RMDN2: variants seen among roughly 807,000 people sequenced by gnomAD.
RMDN2 encodes the protein regulator of microtubule dynamics protein 2.
RMDN2 carries 61 observed loss-of-function variants against 52.8 expected under a neutral mutation model. The ratio of observed to expected loss-of-function variants is 1.16; its 90% CI spans 0.94 to 1.43. The LOEUF (loss-of-function observed/expected upper bound fraction) is 1.43, where lower values mean the gene tolerates loss of function less well. Among genes scored for constraint, RMDN2 ranks in the 40% most tolerant of loss-of-function variants. The pLI is 0.00. For synonymous variants in RMDN2, 180 were observed against 153.1 expected (o/e 1.18, Z -1.30); for missense variants, 592 against 475.3 (o/e 1.25, Z -2.28).
chr2:38,016,639 C>T (rs550612778), intron 10 of RMDN2, among the ~76,000 whole-genome samples: 7 of 152,294 alleles, frequency 4.6e-5, no homozygotes, highest in Middle Eastern at 3.4e-3. Flanking sequence ...CCTTCAACCT[C>T]AGCCCTAACC....
At chr2:37,946,849 A>G (rs1366895124) in intron 2 of RMDN2, among the ~76,000 whole-genome samples, 2 of 152,180 alleles carry the variant, frequency 1.3e-5, no homozygotes, top group Non-Finnish European at 2.9e-5. Flanking sequence ...AGTATAGAGA[A>G]GAAAGCAAAT....
downstream of RMDN2, among the ~76,000 whole-genome samples, chr2:38,020,611 C>T (rs1679278970): frequency 6.6e-6 from 1 of 152,206 alleles, no homozygotes; most frequent in Non-Finnish European, 1.5e-5. Context: ...TGGGAGCGGC[C>T]AGCCGGCCCT....
intron 10 of RMDN2, among the ~76,000 whole-genome samples, chr2:38,005,021 C>T (rs528247637): frequency 2.0e-5 from 3 of 152,238 alleles, no homozygotes; most frequent in South Asian, 4.1e-4. Flanking sequence ...CTACAAAGGA[C>T]ATGAACTCAT....
chr2:38,055,470 A>C (rs1466248698), intron 10 of RMDN2, among the ~76,000 whole-genome samples: 1 of 152,180 alleles, frequency 6.6e-6, no homozygotes, highest in African/African-American at 2.4e-5. Context: ...TGTCCTATAA[A>C]GTAGGAAATT....
At chr2:38,034,113 A>C (rs1002451308) in intron 10 of RMDN2, among the ~76,000 whole-genome samples, 1 of 152,260 alleles carries the variant, frequency 6.6e-6, no homozygotes, top group African/African-American at 2.4e-5. Context: ...CTCGACAGGA[A>C]GTCACCACTG....
intron 2 of RMDN2, among the ~76,000 whole-genome samples, chr2:37,937,673 T>A (rs117348915): frequency 6.6e-6 from 1 of 152,098 alleles, no homozygotes; most frequent in African/African-American, 2.4e-5. Flanking sequence ...TGAATGGGAG[T>A]TTGCTCATGA....
At chr2:38,014,374 TTTC>T (rs373616025) in intron 10 of RMDN2, among the ~76,000 whole-genome samples, 97 of 152,366 alleles carry the variant, frequency 6.4e-4, no homozygotes, top group African/African-American at 2.3e-3. Flanking sequence ...AAATGTATTA[TTTC>T]TTAAGATTTT....
At chr2:38,024,611 A>G (rs1235825282) in intron 10 of RMDN2, among the ~76,000 whole-genome samples, 1 of 152,138 alleles carries the variant, frequency 6.6e-6, no homozygotes, top group Admixed American at 6.5e-5. Context: ...TATTTTGCCC[A>G]TTATTTAAAT....
rs113220363 is a variant in RMDN2 at position 37,947,474 on chromosome 2, C to T, written c.452+17745C>T. 6.0e-3 allele frequency among the ~76,000 whole-genome samples: 910 copies of T among 152,186 alleles called. 11 individuals carry two copies. The highest frequency in any genetic ancestry group is 0.02 in the African/African-American group (849 of 41,520). ...TAAAAAAGCCATACTTTTTCTGCCTCGCAAGTCACATGCAGACAGCTGTGT... is the reference window on the plus strand; with the variant it reads ...TAAAAAAGCCATACTTTTTCTGCCTTGCAAGTCACATGCAGACAGCTGTGT... On this transcript the variant is annotated intron_variant, in intron 2 of 10. Transcript: ENST00000354545.
At chr2:38,048,359 T>C (rs1681397068) in intron 10 of RMDN2, among the ~76,000 whole-genome samples, 1 of 152,232 alleles carries the variant, frequency 6.6e-6, no homozygotes. Flanking sequence ...CTGAAGTGGC[T>C]ATTTCTTGGG....
chr2:38,034,609 T>C (rs1247150111), intron 10 of RMDN2, among the ~76,000 whole-genome samples: 2 of 152,120 alleles, frequency 1.3e-5, no homozygotes, highest in East Asian at 3.9e-4. Context: ...AACAATGATA[T>C]TTTAATTTTA....
intron 10 of RMDN2, chr2:38,012,663 A>G (rs940921375): frequency 2.2e-6 from 1 of 448,876 alleles, no homozygotes; most frequent in East Asian, 7.1e-5. Flanking sequence ...TGTAAGGTAT[A>G]TTTCCATTTC....
At chr2:37,922,644 A>G (rs985381453), upstream of RMDN2, among the ~76,000 whole-genome samples, 1 of 152,188 alleles carries the variant, frequency 6.6e-6, no homozygotes, top group Non-Finnish European at 1.5e-5. Flanking sequence ...GTAATTATAT[A>G]GTGTACACCA....
intron 7 of RMDN2, among the ~76,000 whole-genome samples, chr2:37,995,533 G>A (rs1036738986): frequency 3.3e-5 from 5 of 152,176 alleles, no homozygotes; most frequent in African/African-American, 4.8e-5. Flanking sequence ...TAAATGTACA[G>A]ATCAACCATA....
intron 8 of RMDN2, among the ~76,000 whole-genome samples, chr2:37,999,951 T>G (rs1242768265): frequency 6.6e-6 from 1 of 152,228 alleles, no homozygotes; most frequent in Non-Finnish European, 1.5e-5. Context: ...GAAATGGCCA[T>G]AATAATACCT....
rs1675186506 is a variant in RMDN2 at position 37,994,092 on chromosome 2, C to T, written c.945+2795C>T. ...CAAACTTTCACAGAAAGTGTCCCAA[C>T]AATGATGAGTTCACAGTCAAAAATT... On this transcript the variant is annotated intron_variant, in intron 7 of 10. Transcript: ENST00000354545. 2.6e-5 allele frequency among the ~76,000 whole-genome samples: 4 copies of T among 152,104 alleles called. No homozygotes were observed. The South Asian group carries it at 8.3e-4, about 31-fold the overall frequency.
intron 2 of RMDN2, among the ~76,000 whole-genome samples, chr2:37,971,941 A>T (rs1671864403): frequency 6.6e-6 from 1 of 152,214 alleles, no homozygotes; most frequent in African/African-American, 2.4e-5. Context: ...CCTGGAAAGA[A>T]TTCACATATT....
intron 10 of RMDN2, among the ~76,000 whole-genome samples, chr2:38,015,601 T>G (rs1678659419): frequency 6.6e-6 from 1 of 151,674 alleles, no homozygotes; most frequent in Non-Finnish European, 1.5e-5. Context: ...AATGTTGACC[T>G]TTAAGGATAA....
intron 5 of RMDN2, among the ~76,000 whole-genome samples, chr2:37,985,475 A>G (rs544193367): frequency 6.6e-5 from 10 of 152,238 alleles, no homozygotes; most frequent in Non-Finnish European, 1.3e-4. Context: ...CACTCATAAC[A>G]TTTTTTGGAC....
Sources: allele counts gnomAD v4.1 joint callset (sites outside exome capture counted in the v4.1 genomes callset), GRCh38; gene constraint gnomAD v4.1.1; transcripts MANE v1.5; gene names NCBI Gene and HGNC (gene_info 2026-07-23, HGNC 2026-07-21).